DBF4B: variants seen among roughly 807,000 people sequenced by gnomAD.
DBF4B encodes the protein DBF4B-CDC7 kinase regulatory subunit.
A neutral mutation model predicts 53.4 loss-of-function variants in DBF4B; 49 were observed. The observed-to-expected ratio is 0.92, with a 90% confidence interval of 0.73 to 1.16. DBF4B has a LOEUF of 1.16. Among genes scored for constraint, DBF4B ranks in the 50% most tolerant of loss-of-function variants. DBF4B has a pLI of 0.00. For synonymous variants in DBF4B, 257 were observed against 288.7 expected, an observed-to-expected ratio of 0.89 and a Z score of 1.11; for missense variants, 692 against 775.0, an observed-to-expected ratio of 0.89 and a Z score of 1.27.
At chr17:44,732,046 C>A in intron 5 of DBF4B, 132 bp from the exon 6 acceptor site, 1 of 772,700 alleles carries the variant, frequency 1.3e-6, no homozygotes, top group Non-Finnish European at 2.1e-6. Context: ...ACTGTACTCT[C>A]TCTCCTACCT....
chr17:44,740,949 C>T (rs1348565736), intron 9 of DBF4B, among the ~76,000 whole-genome samples: 1 of 152,070 alleles, frequency 6.6e-6, no homozygotes, highest in African/African-American at 2.4e-5. Context: ...TCCTGGCTAA[C>T]ACAGTGAAAC....
intron 2 of DBF4B, among the ~76,000 whole-genome samples, chr17:44,714,336 T>G (rs1378936959): frequency 6.6e-6 from 1 of 152,136 alleles, no homozygotes; most frequent in Non-Finnish European, 1.5e-5. Context: ...AAATAATACT[T>G]TTGAAAATGA....
intron 10 of DBF4B, among the ~76,000 whole-genome samples, chr17:44,744,773 TA>T (rs996205722): frequency 6.6e-6 from 1 of 152,210 alleles, no homozygotes; most frequent in African/African-American, 2.4e-5. Context: ...TATAACAGAT[TA>T]AAAACTGTAT....
At chr17:44,723,084 G>A (rs537363367) in intron 3 of DBF4B, 62 bp downstream of exon 3, 4 of 1,595,722 alleles carry the variant, frequency 2.5e-6, no homozygotes, top group East Asian at 4.5e-5. Flanking sequence ...GCAGGAGTTG[G>A]ATGGGGATTA....
chr17:44,734,578 A>G (rs955794207), intron 7 of DBF4B, among the ~76,000 whole-genome samples: 3 of 152,244 alleles, frequency 2.0e-5, no homozygotes, highest in East Asian at 1.9e-4. Flanking sequence ...AATAGCTGCC[A>G]TCTTCTAAAT....
At chr17:44,746,710 T>A (rs1976631621) in intron 10 of DBF4B, among the ~76,000 whole-genome samples, 1 of 151,300 alleles carries the variant, frequency 6.6e-6, no homozygotes, top group South Asian at 2.1e-4. Context: ...TCCCAGCTAC[T>A]CTGGAGGCTA....
At chr17:44,711,718 G>A (rs1037120801) in intron 2 of DBF4B, among the ~76,000 whole-genome samples, 2 of 152,124 alleles carry the variant, frequency 1.3e-5, no homozygotes, top group Non-Finnish European at 2.9e-5. Flanking sequence ...GGAGGCCGAG[G>A]CAGGGGGATC....
In DBF4B at chr17:44,741,400, G is replaced by C; in HGVS notation, c.778G>C (p.Asp260His). The C allele has an allele frequency of 1.9e-6, 3 of 1,613,774 alleles. No homozygotes were observed. The highest frequency in any genetic ancestry group is 2.5e-6 in the Non-Finnish European group (3 of 1,179,798). The change falls in exon 10 of 14, where the codon GAT (aspartate) becomes CAT (histidine). Residue 260 changes from aspartate to histidine, a missense_variant. Asp to His is a moderately conservative substitution (Grantham distance 81). Around this residue, in one of 3 missense-constraint regions of DBF4B, gnomAD observed 597 missense variants for 665.8 expected, o/e 0.90. Transcript: ENST00000315005. ...TGAAATTTCTTTTCTTGGACCCAAA[G>C]ATGCAAGTCCCTTTGAGGCCCCGAC... is the stretch of plus-strand genomic sequence containing the variant. ...FPEISFLGPKDASPFEAPTTL... is the reference protein window; with the variant it reads ...FPEISFLGPKHASPFEAPTTL...
At position 44,732,443 on chromosome 17, in the gene DBF4B, C is replaced by T. The variant is rs148573640; in HGVS notation, c.556+178C>T. ...TGGGGAAGGGGGAAAGCGGTGAGGA[C>T]GCAGAGTGCAGGCTGTGGCCTCGGC... is the stretch of plus-strand genomic sequence containing the variant. On this transcript the variant is annotated intron_variant, in intron 6 of 13. Transcript: ENST00000315005. The T allele has an allele frequency of 1.3e-3, 894 of 691,146 alleles. 7 individuals are homozygous for T. Among genetic ancestry groups the T allele is most frequent in the African/African-American group, 0.012 (663 of 55,972 alleles). The allele number at this position is 691,146 out of a possible 1,614,324, so 42.8% of individuals were successfully genotyped here.
intron 3 of DBF4B, among the ~76,000 whole-genome samples, chr17:44,725,450 T>G (rs1974225723): frequency 6.6e-6 from 1 of 152,132 alleles, no homozygotes; most frequent in African/African-American, 2.4e-5. Context: ...GTCATAAAAT[T>G]CATCCGTTTA....
At position 44,716,069 on chromosome 17, in the gene DBF4B, C is replaced by T. The variant is rs543781772; in HGVS notation, c.82+6703C>T. Among the ~76,000 whole-genome samples, 197 of 152,016 alleles carry T rather than the reference C, an allele frequency of 1.3e-3. 1 individual carries two copies. Among genetic ancestry groups the T allele is most frequent in the Admixed American group, 3.4e-3 (51 of 15,212 alleles). On this transcript the variant is annotated intron_variant, in intron 2 of 13. Coordinates refer to ENST00000315005, the MANE Select transcript of DBF4B (RefSeq NM_145663.3). ...AAACTCCCGATCTGAGGTAATCCAC[C>T]CGCCTCGGCCTCCCAAAGTGCTGGG...
chr17:44,736,715 T>C, intron 7 of DBF4B, 115 bp from the exon 8 acceptor site: 2 of 1,155,592 alleles, frequency 1.7e-6, no homozygotes, highest in African/African-American at 1.5e-5. Context: ...TCTGCAGGCC[T>C]CTCAACAGCA....
At chr17:44,730,261 C>A (rs1322822624) in intron 4 of DBF4B, among the ~76,000 whole-genome samples, 165 bp downstream of exon 4, 1 of 152,210 alleles carries the variant, frequency 6.6e-6, no homozygotes, top group Non-Finnish European at 1.5e-5. Flanking sequence ...CTAAACACCT[C>A]AGCAACATAC....
At chr17:44,723,244 T>C (rs1974010669) in intron 3 of DBF4B, among the ~76,000 whole-genome samples, 1 of 152,156 alleles carries the variant, frequency 6.6e-6, no homozygotes, top group Non-Finnish European at 1.5e-5. Flanking sequence ...GTAGCTGAGA[T>C]GACAGGCACA....
Position 44,751,610 on chromosome 17 carries a change from C to T in DBF4B, c.*357C>T, listed in dbSNP as rs775512903. ...AATGCCATGCTCCTCTCCTGGAAAACACTTGAGTTGATTCAGTAAATCGAC... is the reference window on the plus strand; with the variant it reads ...AATGCCATGCTCCTCTCCTGGAAAATACTTGAGTTGATTCAGTAAATCGAC... On this transcript the variant is annotated 3_prime_UTR_variant, in exon 14 of 14. Transcript: ENST00000315005. 5 of 1,360,268 alleles carry T rather than the reference C, an allele frequency of 3.7e-6. No individual in the cohort carries two copies. The highest frequency in any genetic ancestry group is 4.7e-6 in the Non-Finnish European group (5 of 1,056,286). The allele number at this position is 1,360,268 out of a possible 1,614,324, so 84.3% of individuals were successfully genotyped here.
At chr17:44,721,471 G>A (rs1047589422) in intron 2 of DBF4B, among the ~76,000 whole-genome samples, 32 of 151,984 alleles carry the variant, frequency 2.1e-4, no homozygotes, top group African/African-American at 5.8e-4. Flanking sequence ...TGCCCACCTC[G>A]GCTTCCCAGA....
In DBF4B at chr17:44,722,869, T is replaced by C; in HGVS notation, c.83-11T>C. The C allele has an allele frequency of 6.2e-7, 1 of 1,612,864 alleles. No individual in the cohort carries two copies. The highest frequency in any genetic ancestry group is 1.1e-5 in the South Asian group (1 of 90,904). On this transcript the variant is annotated splice_polypyrimidine_tract_variant and intron_variant, in intron 2 of 13. Coordinates refer to ENST00000315005, the MANE Select transcript of DBF4B (RefSeq NM_145663.3). ...AAACTTCTTACTTTGCTCCTCTTTA[T>C]TGTTTTCTAGGAGTTTCCAGGTGTC...
At chr17:44,748,491 G>A in intron 13 of DBF4B, 26 bp downstream of exon 13, 7 of 1,613,380 alleles carry the variant, frequency 4.3e-6, no homozygotes, top group Non-Finnish European at 5.9e-6. Flanking sequence ...ATGGGACAGT[G>A]GACAGCACGC....
intron 8 of DBF4B, among the ~76,000 whole-genome samples, chr17:44,737,700 C>T (rs1426496692): frequency 6.6e-6 from 1 of 152,158 alleles, no homozygotes; most frequent in Non-Finnish European, 1.5e-5. Context: ...ATTTTGTAAG[C>T]TATGCGAATA....
Sources: allele counts gnomAD v4.1 joint callset (sites outside exome capture counted in the v4.1 genomes callset), GRCh38; gene constraint gnomAD v4.1.1; regional missense constraint gnomAD v4.1.1; transcripts MANE v1.5; gene names NCBI Gene and HGNC (gene_info 2026-07-23, HGNC 2026-07-21).